Variants in TESMIN observed in about 807,000 individuals in gnomAD.
The protein encoded by TESMIN is CXC domain containing 2.
A neutral mutation model predicts 47.4 loss-of-function variants in TESMIN; 34 were observed. The ratio of observed to expected loss-of-function variants is 0.72; its 90% CI spans 0.55 to 0.96. The LOEUF (loss-of-function observed/expected upper bound fraction) is 0.96. Among genes scored for constraint, TESMIN ranks in the 40% least tolerant of loss-of-function variants. The probability of loss-of-function intolerance (pLI) is 0.00; values close to 1 mark genes in which losing one functional copy is unlikely to be tolerated. For synonymous variants in TESMIN, 278 were observed against 258.9 expected (o/e 1.07, Z -0.71); for missense variants, 610 against 637.2 (o/e 0.96, Z 0.46).
In TESMIN at chr11:68,717,906, G is replaced by A. The variant is rs997639060; in HGVS notation, c.918-1967C>T. On this transcript the variant is annotated intron_variant, in intron 6 of 9. Transcript: ENST00000255087. The stretch of plus-strand genomic sequence containing the variant: ...GAAAAGTGATTGTTGAGACCCCTAG[G>A]TTTCTTCTACTCAGCTTCTAGCATT... Among the ~76,000 whole-genome samples the A allele has an allele frequency of 2.0e-5, 3 of 152,170 alleles. No homozygotes were observed. In the South Asian group the frequency reaches 6.2e-4, roughly 32 times the overall value.
At chr11:68,741,311 A>G (rs907742981) in intron 5 of TESMIN, among the ~76,000 whole-genome samples, 3 of 152,112 alleles carry the variant, frequency 2.0e-5, no homozygotes, top group African/African-American at 7.2e-5. Flanking sequence ...ACCCTATCCA[A>G]GGCCCGCCTG....
chr11:68,709,173 G>A (rs1465265071), intron 9 of TESMIN, among the ~76,000 whole-genome samples: 1 of 152,152 alleles, frequency 6.6e-6, no homozygotes, highest in Non-Finnish European at 1.5e-5. Context: ...CTCTCATGGC[G>A]GGTTTGAAAT....
chr11:68,710,800 TA>T, intron 9 of TESMIN, 73 bp downstream of exon 9: 3 of 1,392,358 alleles, frequency 2.2e-6, no homozygotes, highest in Non-Finnish European at 2.9e-6. Flanking sequence ...TTCCAGTGTA[TA>T]AATTGTCGTT....
chr11:68,711,028 T>C lies in TESMIN; in HGVS notation c.1180A>G (p.Ile394Val), dbSNP rs780844180. 8 of 1,610,188 alleles carry C rather than the reference T, an allele frequency of 5.0e-6. No individual in the cohort carries two copies. In the South Asian group the frequency reaches 6.7e-5, roughly 13 times the overall value. The stretch of plus-strand genomic sequence containing the variant: ...TTTTTGCAACCAATGCATTTGCAAA[T>C]AGAAGAACACATAATTTGGGCCTGG... Reference protein sequence around the residue: ...CYEAQIMCSSICKCIGCKNYE... With the variant: ...CYEAQIMCSSVCKCIGCKNYE... The change falls in exon 9 of 10, where the codon ATT (isoleucine) becomes GTT (valine). Residue 394 changes from isoleucine (I) to valine (V), a missense_variant. Coordinates refer to ENST00000255087, the MANE Select transcript of TESMIN (RefSeq NM_004923.3).
chr11:68,738,376 A>G, intron 6 of TESMIN: 1 of 1,086,260 alleles, frequency 9.2e-7, no homozygotes, highest in Non-Finnish European at 1.1e-6. Flanking sequence ...AAGAGAGGCC[A>G]GTACAGTTTG....
At chr11:68,731,002 C>T (rs1381850902) in intron 6 of TESMIN, among the ~76,000 whole-genome samples, 2 of 151,996 alleles carry the variant, frequency 1.3e-5, no homozygotes, top group African/African-American at 4.8e-5. Context: ...GGGTAAGGAA[C>T]TAAGAGAGGA....
intron 3 of TESMIN, among the ~76,000 whole-genome samples, chr11:68,746,391 A>C (rs974781360): frequency 6.6e-6 from 1 of 152,200 alleles, no homozygotes; most frequent in Non-Finnish European, 1.5e-5. Flanking sequence ...CACAGCCCCA[A>C]ATAGAACCAC....
intron 6 of TESMIN, 133 bp from the exon 7 acceptor site, chr11:68,716,072 C>T: frequency 1.6e-6 from 1 of 618,056 alleles, no homozygotes; most frequent in Non-Finnish European, 2.9e-6. Flanking sequence ...ATAGACGGCT[C>T]AGACTCCTTT....
intron 6 of TESMIN, among the ~76,000 whole-genome samples, chr11:68,722,814 A>T (rs946399561): frequency 6.6e-6 from 1 of 152,208 alleles, no homozygotes; most frequent in African/African-American, 2.4e-5. Flanking sequence ...ATGCGCCAAG[A>T]TACAGAGGCA....
chr11:68,725,997 G>A (rs1247394270), intron 6 of TESMIN, among the ~76,000 whole-genome samples: 3 of 152,166 alleles, frequency 2.0e-5, no homozygotes, highest in Non-Finnish European at 2.9e-5. Context: ...AGCAACCAAA[G>A]GCGCTGGTTT....
At chr11:68,712,764 G>C (rs995096613) in intron 8 of TESMIN, among the ~76,000 whole-genome samples, 9 of 152,206 alleles carry the variant, frequency 5.9e-5, no homozygotes, top group Non-Finnish European at 1.0e-4. Flanking sequence ...TCTCTGATGG[G>C]GCTGTGAGCC....
intron 5 of TESMIN, among the ~76,000 whole-genome samples, chr11:68,740,978 C>T (rs1946448860): frequency 6.6e-6 from 1 of 152,126 alleles, no homozygotes; most frequent in Non-Finnish European, 1.5e-5. Flanking sequence ...AGGCTGAAAA[C>T]CTTGGGCGCA....
chr11:68,748,605 TAGA>T (rs1194697650), intron 2 of TESMIN, among the ~76,000 whole-genome samples: 2 of 152,264 alleles, frequency 1.3e-5, no homozygotes, highest in Non-Finnish European at 2.9e-5. Context: ...AATGAATTTC[TAGA>T]AGAAGGAAAT....
chr11:68,729,883 T>C (rs1022878219), intron 6 of TESMIN, among the ~76,000 whole-genome samples: 3 of 152,160 alleles, frequency 2.0e-5, no homozygotes, highest in African/African-American at 7.2e-5. Flanking sequence ...GTGGGTGAAA[T>C]GCTATCAAAC....
chr11:68,746,269 G>C (rs1241077693), intron 3 of TESMIN, among the ~76,000 whole-genome samples: 1 of 152,162 alleles, frequency 6.6e-6, no homozygotes, highest in African/African-American at 2.4e-5. Flanking sequence ...TGGGAGCCTT[G>C]GCTCTGCCCT....
In TESMIN at chr11:68,744,970, TTTTA is replaced by T. The variant is rs1415794647; in HGVS notation, c.751+17_751+20del. 6.6e-7 allele frequency: 1 copy of T among 1,515,912 alleles called. No homozygotes were observed. Among genetic ancestry groups the T allele is most frequent in the Non-Finnish European group, 8.8e-7 (1 of 1,130,298 alleles). The allele number at this position is 1,515,912 out of a possible 1,614,324, so 93.9% of individuals were successfully genotyped here. A position where few individuals can be genotyped will look rare whatever the true frequency, so the allele number is the denominator to read the frequency against. On this transcript the variant is annotated intron_variant, in intron 4 of 9. Coordinates refer to ENST00000255087, the MANE Select transcript of TESMIN (RefSeq NM_004923.3). ...CAACTTACATATATGACATAGTTTT[TTTTA>T]TTAATTAACTTTGTACCTGACTGTA... is the stretch of plus-strand genomic sequence containing the variant.
At chr11:68,712,878 C>T (rs879759279) in intron 8 of TESMIN, among the ~76,000 whole-genome samples, 2 of 152,172 alleles carry the variant, frequency 1.3e-5, no homozygotes, top group Non-Finnish European at 2.9e-5. Context: ...AACTGTCCCC[C>T]ACGGCCCCAC....
intron 6 of TESMIN, among the ~76,000 whole-genome samples, chr11:68,720,026 C>T (rs957289913): frequency 4.6e-5 from 7 of 152,160 alleles, no homozygotes; most frequent in African/African-American, 1.7e-4. Flanking sequence ...AAGAAAATCT[C>T]AAATGCACTA....
intron 2 of TESMIN, among the ~76,000 whole-genome samples, chr11:68,748,040 T>TC (rs1946544170): frequency 6.6e-6 from 1 of 152,000 alleles, no homozygotes; most frequent in East Asian, 1.9e-4. Context: ...CATCCTCCCC[T>TC]CCCCTCCTCC....
Sources: gnomAD v4.1 joint callset for allele counts (sites outside exome capture counted in the v4.1 genomes callset) on GRCh38, gnomAD v4.1.1 for gene constraint, MANE v1.5 for transcripts, NCBI Gene and HGNC (gene_info 2026-07-23, HGNC 2026-07-21) for gene names.